The following SGCD variants were observed in gnomAD, a reference collection of about 807,000 sequenced individuals.
SGCD encodes the protein sarcoglycan delta, also known as delta-sarcoglycan.
Under a neutral mutation model 36.6 loss-of-function variants are expected in SGCD, and 18 were observed. The observed-to-expected ratio is 0.49, with a 90% CI of 0.34 to 0.73. SGCD has a LOEUF of 0.73. SGCD is among the 30% of genes least tolerant of loss of function. The pLI, the probability that SGCD is intolerant of heterozygous loss-of-function variation, is 0.01. For missense variants in SGCD, 387 were observed against 346.7 expected, an observed-to-expected ratio of 1.12 and a Z score of -0.92; for synonymous variants, 133 against 130.6, an observed-to-expected ratio of 1.02 and a Z score of -0.12.
At chr5:156,480,307 G>C (rs1755367625) in intron 3 of SGCD, among the ~76,000 whole-genome samples, 1 of 152,210 alleles carries the variant, frequency 6.6e-6, no homozygotes, top group Non-Finnish European at 1.5e-5. Flanking sequence ...AGTTCCCTCA[G>C]TTGTATTGCT....
intron 6 of SGCD, among the ~76,000 whole-genome samples, chr5:156,621,905 G>A (rs1387192664): frequency 6.6e-6 from 1 of 152,136 alleles, no homozygotes. Context: ...TCTAAGATAA[G>A]TTTCATTCTT....
At position 156,763,352 on chromosome 5, in the gene SGCD, G is replaced by A. The variant is rs56182215; in HGVS notation, c.*3962G>A. 12,175 of 152,542 alleles carry A rather than the reference G, an allele frequency of 0.08. 780 individuals are homozygous for A. Among genetic ancestry groups the A allele is most frequent in the African/African-American group, 0.17 (7,220 of 41,458 alleles). 9.4% of individuals were successfully genotyped at this position (152,542 alleles called of 1,614,324 possible). The stretch of plus-strand genomic sequence containing the variant: ...CCACATCACGTCAGTTATCAACACC[G>A]CCACTGTGCTTACTGTTCCTACAGC... On this transcript the variant is annotated 3_prime_UTR_variant, in exon 9 of 9. Coordinates refer to ENST00000337851, the MANE Select transcript of SGCD (RefSeq NM_000337.6).
Position 156,487,803 on chromosome 5 carries a change from A to G in SGCD, c.193-20798A>G, listed in dbSNP as rs1478551360. Among the ~76,000 whole-genome samples, 2 of 142,514 alleles carry G rather than the reference A, an allele frequency of 1.4e-5. 1 individual carries two copies. The highest frequency in any genetic ancestry group is 3.0e-5 in the Non-Finnish European group (2 of 65,746). The allele number at this position is 142,514 out of a possible 152,430, so 93.5% of individuals were successfully genotyped here. ...ACTCTGTCACCAAAAAAAAAAAAAA[A>G]AAAAAAAAAAAAAGAAAGAAAGAAA... On this transcript the variant is annotated intron_variant, in intron 3 of 8. Coordinates refer to ENST00000337851, the MANE Select transcript of SGCD (RefSeq NM_000337.6).
At chr5:156,356,353 T>C (rs1279099347) in intron 3 of SGCD, among the ~76,000 whole-genome samples, 1 of 152,184 alleles carries the variant, frequency 6.6e-6, no homozygotes, top group African/African-American at 2.4e-5. Flanking sequence ...GGGTGGTTGA[T>C]GCTAGCTGTC....
At chr5:156,090,363 GA>G (rs1561715767) in intron 1 of SGCD, among the ~76,000 whole-genome samples, 1 of 152,146 alleles carries the variant, frequency 6.6e-6, no homozygotes, top group Admixed American at 6.5e-5. Flanking sequence ...ACAAAGAGAA[GA>G]ATTTTACAGC....
At chr5:155,739,231 T>C in the SGCD span, among the ~76,000 whole-genome samples, 1 of 152,194 alleles carries the variant, frequency 6.6e-6, no homozygotes, top group Non-Finnish European at 1.5e-5. Flanking sequence ...TTGAGAATGA[T>C]AAATAATTGT....
intron 1 of SGCD, among the ~76,000 whole-genome samples, chr5:156,073,326 G>A (rs1246869899): frequency 6.6e-6 from 1 of 152,178 alleles, no homozygotes; most frequent in African/African-American, 2.4e-5. Context: ...GGGAGGCCAA[G>A]GTGGGAGGAT....
intron 6 of SGCD, among the ~76,000 whole-genome samples, chr5:156,616,973 CA>C (rs1053487912): frequency 4.6e-5 from 7 of 151,466 alleles, no homozygotes; most frequent in African/African-American, 9.7e-5. Context: ...TGGCCCTTTA[CA>C]AAAAAAAAGT....
At chr5:156,091,819 G>C (rs1469047527) in intron 1 of SGCD, among the ~76,000 whole-genome samples, 2 of 152,234 alleles carry the variant, frequency 1.3e-5, no homozygotes, top group African/African-American at 4.8e-5. Flanking sequence ...CATGAACACA[G>C]TGACCAATTG....
intron 3 of SGCD, among the ~76,000 whole-genome samples, chr5:156,256,707 T>C (rs1182708744): frequency 2.6e-5 from 4 of 152,154 alleles, no homozygotes; most frequent in Non-Finnish European, 4.4e-5. Flanking sequence ...GATTGTAGGG[T>C]AGAAATTTGC....
At chr5:155,983,923 G>A (rs1249957829) in intron 1 of SGCD, among the ~76,000 whole-genome samples, 3 of 152,084 alleles carry the variant, frequency 2.0e-5, no homozygotes, top group Non-Finnish European at 1.5e-5. Flanking sequence ...TCTTGTCCAT[G>A]GCAGTGGCTG....
chr5:155,737,307 CACTT>C, the SGCD span, among the ~76,000 whole-genome samples: 3 of 152,180 alleles, frequency 2.0e-5, no homozygotes, highest in African/African-American at 7.2e-5. Flanking sequence ...AAAAATATAA[CACTT>C]ACCCTTACTA....
rs1356770916 is a variant in SGCD at position 156,241,375 on chromosome 5, A to G, written c.-43-88159A>G. On this transcript the variant is annotated intron_variant, in intron 3 of 9. Coordinates refer to the SGCD transcript ENST00000517913. ...AATTGATTTCTAGTGAATAAATTTAATTCCAGTATTAGAGAATGCTTTGTG... is the reference window on the plus strand; with the variant it reads ...AATTGATTTCTAGTGAATAAATTTAGTTCCAGTATTAGAGAATGCTTTGTG... 3.3e-5 allele frequency among the ~76,000 whole-genome samples: 5 copies of G among 151,986 alleles called. No individual in the cohort carries two copies. The East Asian group carries it at 9.7e-4, about 29-fold the overall frequency.
intron 7 of SGCD, among the ~76,000 whole-genome samples, chr5:156,745,439 G>A (rs1561893057): frequency 6.6e-6 from 1 of 152,202 alleles, no homozygotes; most frequent in African/African-American, 2.4e-5. Context: ...GCACCAGTGA[G>A]TGATGGAAAC....
At chr5:155,940,912 T>A (rs1757310450) in intron 1 of SGCD, among the ~76,000 whole-genome samples, 2 of 152,168 alleles carry the variant, frequency 1.3e-5, no homozygotes, top group Admixed American at 1.3e-4. Context: ...TAATTGTTAT[T>A]ATCCTGATCA....
intron 1 of SGCD, among the ~76,000 whole-genome samples, chr5:155,875,222 T>C (rs911356099): frequency 6.6e-5 from 10 of 152,092 alleles, no homozygotes; most frequent in Admixed American, 4.6e-4. Context: ...CATAGTAACA[T>C]GTCATGTCAG....
intron 3 of SGCD, among the ~76,000 whole-genome samples, chr5:156,367,743 C>T (rs1770180127): frequency 6.6e-6 from 1 of 152,188 alleles, no homozygotes; most frequent in African/African-American, 2.4e-5. Flanking sequence ...GCATTAGGCC[C>T]AGCTGTGGCT....
At position 156,505,576 on chromosome 5, in the gene SGCD, G is replaced by A. The variant is rs1756659824; in HGVS notation, c.193-3025G>A. 6.6e-5 allele frequency among the ~76,000 whole-genome samples: 10 copies of A among 152,318 alleles called. No homozygotes were observed. In the South Asian group the frequency reaches 2.1e-3, roughly 32 times the overall value. On this transcript the variant is annotated intron_variant, in intron 3 of 8. Transcript: ENST00000337851. ...CTGTGCAAACTAGAGACTGTATGGT[G>A]TGTCCAGGCAGGGGCGGCTGCTGCT...
At chr5:156,711,358 G>A (rs962161454) in intron 7 of SGCD, among the ~76,000 whole-genome samples, 1 of 152,142 alleles carries the variant, frequency 6.6e-6, no homozygotes, top group Non-Finnish European at 1.5e-5. Context: ...ATGTAGCTTC[G>A]ATGGCTTACT....
Sources: allele counts gnomAD v4.1 joint callset (sites outside exome capture counted in the v4.1 genomes callset), GRCh38; gene constraint gnomAD v4.1.1; transcripts MANE v1.5; gene names NCBI Gene and HGNC (gene_info 2026-07-23, HGNC 2026-07-21).